B4GALT1: variants seen among roughly 807,000 people sequenced by gnomAD.
B4GALT1 encodes the protein beta-1,4-galactosyltransferase 1.
B4GALT1 carries 16 observed loss-of-function variants against 34.9 expected under a neutral mutation model. The observed-to-expected ratio is 0.46, with a 90% CI of 0.31 to 0.70. The LOEUF is 0.70. B4GALT1 is among the 30% of genes least tolerant of loss of function. The pLI is 0.05. For synonymous variants in B4GALT1, 221 were observed against 218.1 expected, an observed-to-expected ratio of 1.01 and a Z score of -0.12; for missense variants, 445 against 530.5, an observed-to-expected ratio of 0.84 and a Z score of 1.58.
chr9:33,169,967 G>A (rs182600125), upstream of B4GALT1, among the ~76,000 whole-genome samples: 7 of 127,586 alleles, frequency 5.5e-5, no homozygotes, highest in African/African-American at 1.8e-4. Context: ...TCAGCCCCTA[G>A]ATTTTTTTTT....
chr9:33,130,907 A>C (rs1383095510), intron 2 of B4GALT1, among the ~76,000 whole-genome samples: 1 of 151,594 alleles, frequency 6.6e-6, no homozygotes, highest in Non-Finnish European at 1.5e-5. Context: ...CAGGCAGAGG[A>C]AACAGGCAGG....
At chr9:33,148,140 C>T (rs1327454151) in intron 1 of B4GALT1, among the ~76,000 whole-genome samples, 35 of 152,016 alleles carry the variant, frequency 2.3e-4, no homozygotes, top group Admixed American at 2.3e-3. Flanking sequence ...GGAATTCCTG[C>T]ATATCTTCAA....
intron 1 of B4GALT1, among the ~76,000 whole-genome samples, chr9:33,138,484 C>T (rs987285818): frequency 3.3e-5 from 5 of 152,110 alleles, no homozygotes; most frequent in Non-Finnish European, 7.4e-5. Flanking sequence ...CTGCCCTCAG[C>T]ATGAATTTCC....
At chr9:33,122,916 GGCAGATC>G (rs1197362573) in intron 2 of B4GALT1, among the ~76,000 whole-genome samples, 5 of 152,160 alleles carry the variant, frequency 3.3e-5, no homozygotes, top group Non-Finnish European at 5.9e-5. Flanking sequence ...GGCTGAGGCG[GGCAGATC>G]ACTTGAGGTC....
At position 33,113,392 on chromosome 9, in the gene B4GALT1, G is replaced by A. The variant is rs909287528; in HGVS notation, c.*62C>T. The A allele has an allele frequency of 1.2e-6, 2 of 1,610,738 alleles. No individual in the cohort carries two copies. Among genetic ancestry groups the A allele is most frequent in the Non-Finnish European group, 1.7e-6 (2 of 1,177,596 alleles). On this transcript the variant is annotated 3_prime_UTR_variant, in exon 6 of 6. Coordinates refer to ENST00000379731, the MANE Select transcript of B4GALT1 (RefSeq NM_001497.4). Reference sequence around the variant, plus strand: ...ATGAGAGGGACCAGCCCAGCAGATTGGCAGAGACACACAGCAGAGGTCCCT... The same window carrying A: ...ATGAGAGGGACCAGCCCAGCAGATTAGCAGAGACACACAGCAGAGGTCCCT...
the B4GALT1 span, among the ~76,000 whole-genome samples, chr9:33,184,025 G>C: frequency 6.6e-6 from 1 of 151,976 alleles, no homozygotes; most frequent in East Asian, 1.9e-4. Flanking sequence ...CTGGGGGTTG[G>C]GGGTGCTAAG....
At chr9:33,109,401 A>C (rs567098115), downstream of B4GALT1, among the ~76,000 whole-genome samples, 11 of 152,354 alleles carry the variant, frequency 7.2e-5, no homozygotes, top group South Asian at 4.1e-4. Context: ...ACTTATAATA[A>C]GACCAGTAAA....
chr9:33,129,731 G>T (rs1465338033), intron 2 of B4GALT1, among the ~76,000 whole-genome samples: 1 of 152,228 alleles, frequency 6.6e-6, no homozygotes, highest in African/African-American at 2.4e-5. Flanking sequence ...GGAAGGAGAA[G>T]TCAGCTCTAT....
intron 1 of B4GALT1, among the ~76,000 whole-genome samples, chr9:33,159,514 G>A (rs1840645465): frequency 6.6e-6 from 1 of 152,130 alleles, no homozygotes; most frequent in Non-Finnish European, 1.5e-5. Context: ...CATTCTAAAG[G>A]GAGTAACTTC....
chr9:33,167,822 C>T (rs904386366), upstream of B4GALT1, among the ~76,000 whole-genome samples: 6 of 152,200 alleles, frequency 3.9e-5, no homozygotes, highest in African/African-American at 1.4e-4. Context: ...AAAGGTTACC[C>T]AGGAAACGGG....
intron 1 of B4GALT1, among the ~76,000 whole-genome samples, chr9:33,146,347 T>C (rs1054574030): frequency 1.3e-5 from 2 of 152,276 alleles, no homozygotes; most frequent in Non-Finnish European, 1.5e-5. Flanking sequence ...GCTGTATATC[T>C]GTCCTTTTAG....
At position 33,113,438 on chromosome 9, in the gene B4GALT1, T is replaced by C. The variant is rs374328236; in HGVS notation, c.*16A>G. 2 of 1,614,064 alleles carry C rather than the reference T, an allele frequency of 1.2e-6. No individual in the cohort carries two copies. The highest frequency in any genetic ancestry group is 1.7e-6 in the Non-Finnish European group (2 of 1,180,038). ...TCCCTGGCTAATTTCAGGTCTCTTA[T>C]CCGTGTACCAAAACGCTAGCTCGGT... On this transcript the variant is annotated 3_prime_UTR_variant, in exon 6 of 6. Transcript: ENST00000379731.
At chr9:33,116,829 A>G (rs1249289951) in intron 3 of B4GALT1, among the ~76,000 whole-genome samples, 6 of 151,304 alleles carry the variant, frequency 4.0e-5, no homozygotes, top group Non-Finnish European at 8.8e-5. Flanking sequence ...AGCCTCTCTA[A>G]AGCTTTTTTG....
the B4GALT1 span, among the ~76,000 whole-genome samples, chr9:33,172,800 A>G: frequency 6.6e-6 from 1 of 152,036 alleles, no homozygotes; most frequent in Non-Finnish European, 1.5e-5. Flanking sequence ...ATAAAGACAA[A>G]TTACCTCATT....
chr9:33,156,295 G>C (rs1272543045), intron 1 of B4GALT1, among the ~76,000 whole-genome samples: 2 of 151,954 alleles, frequency 1.3e-5, no homozygotes, highest in Non-Finnish European at 2.9e-5. Flanking sequence ...CACCACACCC[G>C]GCTAATTTTT....
intron 1 of B4GALT1, among the ~76,000 whole-genome samples, chr9:33,140,244 A>G (rs1840328618): frequency 6.6e-6 from 1 of 152,216 alleles, no homozygotes; most frequent in South Asian, 2.1e-4. Context: ...CTGTTTGTCA[A>G]CTGATTGGCC....
In B4GALT1 at chr9:33,112,502, G is replaced by A. The variant is rs1839877905; in HGVS notation, c.*952C>T. 6.6e-6 allele frequency: 1 copy of A among 152,542 alleles called. No individual in the cohort carries two copies. The highest frequency in any genetic ancestry group is 1.5e-5 in the Non-Finnish European group (1 of 68,024). The allele number at this position is 152,542 out of a possible 1,614,324, so 9.4% of individuals were successfully genotyped here. A position where few individuals can be genotyped will look rare whatever the true frequency, so the allele number is the denominator to read the frequency against. The stretch of plus-strand genomic sequence containing the variant: ...ACCTGGCCTGCCAGCTAAATCATAG[G>A]CCTATTTGTGGCCACTACAGCATAT... On this transcript the variant is annotated 3_prime_UTR_variant, in exon 6 of 6. Coordinates refer to ENST00000379731, the MANE Select transcript of B4GALT1 (RefSeq NM_001497.4).
At chr9:33,160,277 A>G (rs1038804396) in intron 1 of B4GALT1, among the ~76,000 whole-genome samples, 3 of 152,188 alleles carry the variant, frequency 2.0e-5, no homozygotes, top group Non-Finnish European at 4.4e-5. Flanking sequence ...CAAAAACTAT[A>G]TATGTATATG....
At chr9:33,105,226 G>A (rs1212382155) in intron 2 of B4GALT1, among the ~76,000 whole-genome samples, 3 of 151,418 alleles carry the variant, frequency 2.0e-5, no homozygotes, top group African/African-American at 2.4e-5. Flanking sequence ...CACAACCTCC[G>A]CCTTCCAGGT....
Sources: allele counts gnomAD v4.1 joint callset (sites outside exome capture counted in the v4.1 genomes callset), GRCh38; gene constraint gnomAD v4.1.1; transcripts MANE v1.5; gene names NCBI Gene and HGNC (gene_info 2026-07-23, HGNC 2026-07-21).